The following NBEAL1 variants were observed in gnomAD, a reference collection of about 807,000 sequenced individuals.
NBEAL1 encodes the protein neurobeachin like 1.
NBEAL1 carries 273 observed loss-of-function variants against 351.3 expected under a neutral mutation model. The ratio of observed to expected loss-of-function variants is 0.78; its 90% CI spans 0.70 to 0.86. NBEAL1 has a LOEUF of 0.86. NBEAL1 is among the 40% of genes least tolerant of loss of function. The pLI is 0.00. For synonymous variants in NBEAL1, 1,050 were observed against 1,086.4 expected (o/e 0.97, Z 0.66); for missense variants, 2,961 against 3,201.3 (o/e 0.92, Z 1.81).
intron 42 of NBEAL1, among the ~76,000 whole-genome samples, chr2:203,178,343 A>T (rs4673244): frequency 0.88 from 133,715 of 151,832 alleles, 60,088 homozygotes; most frequent in Non-Finnish European, 0.96. Flanking sequence ...TTTTTTGTAT[A>T]TTTGGTAGAG....
chr2:203,064,844 A>G (rs1379522464), intron 6 of NBEAL1, among the ~76,000 whole-genome samples: 4 of 152,214 alleles, frequency 2.6e-5, no homozygotes, highest in African/African-American at 9.6e-5. Flanking sequence ...GAAGTATTGT[A>G]CCAGTGTTAA....
At chr2:203,151,376 T>C (rs2063647448) in intron 34 of NBEAL1, 89 bp from the exon 35 acceptor site, 1 of 943,300 alleles carries the variant, frequency 1.1e-6, no homozygotes, top group Non-Finnish European at 1.5e-6. Flanking sequence ...AAATGTAAAA[T>C]ACTTGATACT....
intron 36 of NBEAL1, among the ~76,000 whole-genome samples, chr2:203,164,256 T>A (rs558493993): frequency 1.2e-4 from 18 of 151,898 alleles, no homozygotes; most frequent in Admixed American, 4.6e-4. Context: ...CATCTAAAAA[T>A]ATATATATAT....
Position 203,125,493 on chromosome 2 carries a change from C to T in NBEAL1, c.2824C>T (p.Leu942Phe). The change falls in exon 20 of 56, where the codon CTC becomes TTC. Residue 942 changes from leucine (L) to phenylalanine (F), a missense_variant. Leu to Phe is a conservative substitution (Grantham distance 22). Coordinates refer to ENST00000683969, the MANE Select transcript of NBEAL1 (RefSeq NM_001378026.1). Reference protein sequence around the residue: ...ESVTPVEGDWLVWTSTKASES... With the variant: ...ESVTPVEGDWFVWTSTKASES... Reference sequence around the variant, plus strand: ...AGTAACACCTGTTGAAGGAGATTGGCTCGTATGGACTTCCACAAAGGCCTC... The same window carrying T: ...AGTAACACCTGTTGAAGGAGATTGGTTCGTATGGACTTCCACAAAGGCCTC... The T allele has an allele frequency of 1.3e-6, 2 of 1,520,246 alleles. No individual in the cohort carries two copies. Among genetic ancestry groups the T allele is most frequent in the Admixed American group, 2.3e-5 (1 of 44,422 alleles). 94.2% of individuals were successfully genotyped at this position (1,520,246 alleles called of 1,614,324 possible).
intron 2 of NBEAL1, among the ~76,000 whole-genome samples, chr2:203,018,314 G>T: frequency 6.7e-6 from 1 of 149,540 alleles, no homozygotes; most frequent in African/African-American, 2.5e-5. Context: ...GACCACTTGA[G>T]GACTCAGATC....
chr2:203,130,286 G>T, intron 24 of NBEAL1, 32 bp from the exon 25 acceptor site: 6 of 1,500,846 alleles, frequency 4.0e-6, no homozygotes, highest in African/African-American at 1.4e-5. Context: ...TATGAATGTG[G>T]TGGTTTGTTT....
At chr2:203,160,067 G>GC (rs985107367) in intron 36 of NBEAL1, among the ~76,000 whole-genome samples, 34 of 144,780 alleles carry the variant, frequency 2.3e-4, no homozygotes, top group South Asian at 1.3e-3. Context: ...CAAATCACTT[G>GC]CCCCCCGCTA....
chr2:203,059,126 CA>C (rs1248891731), intron 6 of NBEAL1, among the ~76,000 whole-genome samples: 1 of 152,124 alleles, frequency 6.6e-6, no homozygotes, highest in Non-Finnish European at 1.5e-5. Context: ...GTATAGCCAC[CA>C]TACCATTAGA....
intron 44 of NBEAL1, among the ~76,000 whole-genome samples, chr2:203,184,645 AT>A (rs1330696890): frequency 6.6e-6 from 1 of 151,722 alleles, no homozygotes; most frequent in African/African-American, 2.4e-5. Flanking sequence ...ACTTGGAAAC[AT>A]TTTCTATCAT....
intron 34 of NBEAL1, among the ~76,000 whole-genome samples, chr2:203,150,665 T>A (rs2106352205): frequency 6.6e-6 from 1 of 152,304 alleles, no homozygotes; most frequent in South Asian, 2.1e-4. Context: ...TGAAGTTTTA[T>A]CCTTATCTTT....
At chr2:203,169,278 G>A (rs958758924) in intron 38 of NBEAL1, among the ~76,000 whole-genome samples, 2 of 151,606 alleles carry the variant, frequency 1.3e-5, no homozygotes, top group African/African-American at 2.4e-5. Flanking sequence ...GGAATGGGAA[G>A]GAGGCAGAAT....
At chr2:203,197,124 A>G (rs1575116877) in intron 47 of NBEAL1, among the ~76,000 whole-genome samples, 178 bp from the exon 48 acceptor site, 2 of 152,214 alleles carry the variant, frequency 1.3e-5, no homozygotes, top group South Asian at 4.1e-4. Flanking sequence ...AATTTCAAGT[A>G]TGCCATATAT....
At chr2:203,153,408 T>G (rs2106359888) in intron 35 of NBEAL1, among the ~76,000 whole-genome samples, 2 of 150,900 alleles carry the variant, frequency 1.3e-5, no homozygotes, top group South Asian at 2.1e-4. Flanking sequence ...CCTCCCAAAG[T>G]GCTGAGATTA....
rs367758950 is a variant in NBEAL1, at chr2:203,030,156, G to A, written c.52-11609G>A. ...CCTTAAGTATAGATTTTCATTTCTGGTAATAAGGTAGACTAGGTTGTTTAG... is the reference window on the plus strand; with the variant it reads ...CCTTAAGTATAGATTTTCATTTCTGATAATAAGGTAGACTAGGTTGTTTAG... On this transcript the variant is annotated intron_variant, in intron 2 of 55. Transcript: ENST00000683969. Among the ~76,000 whole-genome samples the A allele has an allele frequency of 1.1e-4, 16 of 152,236 alleles. 1 individual carries two copies. In the East Asian group the frequency reaches 1.7e-3, roughly 17 times the overall value.
chr2:203,124,848 A>G (rs970483653), intron 19 of NBEAL1, among the ~76,000 whole-genome samples: 2 of 152,220 alleles, frequency 1.3e-5, no homozygotes, highest in Non-Finnish European at 2.9e-5. Context: ...GTAACTTATC[A>G]AAAGATATAG....
rs2065933721 is a variant in NBEAL1, at chr2:203,219,658, A to C, written c.*2304A>C. ...ATCACAAGGTCAGGAGTTCAAGACC[A>C]GCCTGGCCAACACAGTGAAACCCTT... On this transcript the variant is annotated 3_prime_UTR_variant, in exon 56 of 56. Coordinates refer to ENST00000683969, the MANE Select transcript of NBEAL1 (RefSeq NM_001378026.1). 1 of 152,108 alleles carries C rather than the reference A, an allele frequency of 6.6e-6. No individual in the cohort carries two copies. Among genetic ancestry groups the C allele is most frequent in the Non-Finnish European group, 1.5e-5 (1 of 68,044 alleles). The allele number at this position is 152,108 out of a possible 1,614,324, so 9.4% of individuals were successfully genotyped here.
intron 37 of NBEAL1, 122 bp from the exon 38 acceptor site, chr2:203,167,105 A>C: frequency 1.2e-6 from 1 of 856,994 alleles, no homozygotes; most frequent in Non-Finnish European, 1.8e-6. Context: ...CAAATGGTTT[A>C]TATAGTACAG....
intron 14 of NBEAL1, among the ~76,000 whole-genome samples, chr2:203,109,524 AT>A (rs897571671): frequency 2.7e-5 from 4 of 149,372 alleles, no homozygotes; most frequent in Non-Finnish European, 4.5e-5. Context: ...ATGTCTTGTG[AT>A]TTTTTTTTTC....
At chr2:203,074,310 CT>C (rs2061731249) in intron 7 of NBEAL1, among the ~76,000 whole-genome samples, 2 of 120,970 alleles carry the variant, frequency 1.7e-5, no homozygotes, top group Admixed American at 1.9e-4. Context: ...ATCCTTTTTT[CT>C]TTCTTCTTTT....
Sources: gnomAD v4.1 joint callset for allele counts (sites outside exome capture counted in the v4.1 genomes callset) on GRCh38, gnomAD v4.1.1 for gene constraint, MANE v1.5 for transcripts, NCBI Gene and HGNC (gene_info 2026-07-23, HGNC 2026-07-21) for gene names.